The following ADGRL3 variants were observed in gnomAD, a reference collection of about 807,000 sequenced individuals.
ADGRL3 encodes adhesion G protein-coupled receptor L3.
A neutral mutation model predicts 153.5 loss-of-function variants in ADGRL3; 62 were observed. That is an observed-to-expected ratio of 0.40 (90% CI 0.33 to 0.50). The LOEUF (loss-of-function observed/expected upper bound fraction) is 0.50. Among genes scored for constraint, ADGRL3 ranks in the 20% least tolerant of loss-of-function variants. The pLI is 0.47. For synonymous variants in ADGRL3, 710 were observed against 672.5 expected (o/e 1.06, Z -0.86); for missense variants, 1,641 against 1,859.4 (o/e 0.88, Z 2.16).
intron 1 of ADGRL3, among the ~76,000 whole-genome samples, chr4:61,244,345 C>T (rs2149359253): frequency 6.6e-6 from 1 of 151,978 alleles, no homozygotes; most frequent in East Asian, 1.9e-4. Flanking sequence ...GAATATTTAT[C>T]AATTAAACAG....
chr4:61,789,419 G>A (rs557117068), intron 8 of ADGRL3, among the ~76,000 whole-genome samples: 1 of 152,228 alleles, frequency 6.6e-6, no homozygotes, highest in African/African-American at 2.4e-5. Flanking sequence ...CAAGCGTGCT[G>A]AGTAAAGCAA....
chr4:61,738,615 A>C (rs1277609837), intron 8 of ADGRL3, among the ~76,000 whole-genome samples: 1 of 152,140 alleles, frequency 6.6e-6, no homozygotes, highest in Non-Finnish European at 1.5e-5. Context: ...AGTATTCTAA[A>C]AGTGGTTTCA....
At chr4:61,584,959 GTTTTA>G (rs937429405) in intron 4 of ADGRL3, among the ~76,000 whole-genome samples, 28 of 151,982 alleles carry the variant, frequency 1.8e-4, no homozygotes, top group African/African-American at 6.8e-4. Context: ...TAAACAAAGA[GTTTTA>G]TTTTAGGGAC....
rs370113893 is a variant in ADGRL3, at chr4:61,743,742, C to T, written c.1399+10188C>T. Among the ~76,000 whole-genome samples the T allele has an allele frequency of 3.5e-4, 53 of 152,246 alleles. 1 individual carries two copies. Among genetic ancestry groups the T allele is most frequent in the Middle Eastern group, 3.4e-3 (1 of 294 alleles). On this transcript the variant is annotated intron_variant, in intron 8 of 26. Coordinates refer to ENST00000683033, the MANE Select transcript of ADGRL3 (RefSeq NM_001387552.1). ...AGACAGGGGCTGGAGCCAAGATGGC[C>T]GAATAGGAACAGCTCCGCTCTACAG... is the stretch of plus-strand genomic sequence containing the variant.
At chr4:61,491,252 G>A (rs1354245132) in intron 2 of ADGRL3, among the ~76,000 whole-genome samples, 1 of 152,096 alleles carries the variant, frequency 6.6e-6, no homozygotes, top group Non-Finnish European at 1.5e-5. Context: ...AAGCATTGCT[G>A]TAATGTACCT....
intron 2 of ADGRL3, among the ~76,000 whole-genome samples, chr4:61,399,051 T>G (rs1262041658): frequency 6.6e-6 from 1 of 151,766 alleles, no homozygotes; most frequent in Non-Finnish European, 1.5e-5. Flanking sequence ...ATTAAAGTCC[T>G]GAATGGACCA....
chr4:61,702,804 A>G (rs918139585), intron 6 of ADGRL3, among the ~76,000 whole-genome samples: 1 of 152,104 alleles, frequency 6.6e-6, no homozygotes, highest in Non-Finnish European at 1.5e-5. Flanking sequence ...CTGCATTCTA[A>G]GCACTTATAT....
At chr4:61,299,337 G>A (rs745860426) in intron 1 of ADGRL3, among the ~76,000 whole-genome samples, 18 of 152,062 alleles carry the variant, frequency 1.2e-4, no homozygotes, top group African/African-American at 3.6e-4. Flanking sequence ...TCAGGTTCTC[G>A]TTATTTTAAA....
intron 21 of ADGRL3, among the ~76,000 whole-genome samples, chr4:61,998,654 C>A (rs1014279043): frequency 6.6e-6 from 1 of 151,524 alleles, no homozygotes; most frequent in African/African-American, 2.4e-5. Context: ...CAGCTCACTG[C>A]AACCTCCTCC....
At chr4:61,444,030 A>T (rs1024932764) in intron 2 of ADGRL3, among the ~76,000 whole-genome samples, 1 of 152,208 alleles carries the variant, frequency 6.6e-6, no homozygotes, top group African/African-American at 2.4e-5. Context: ...GAATGTATTT[A>T]TATTTTGTAA....
At chr4:61,468,752 A>G (rs536885505) in intron 2 of ADGRL3, among the ~76,000 whole-genome samples, 2 of 151,996 alleles carry the variant, frequency 1.3e-5, no homozygotes, top group Non-Finnish European at 2.9e-5. Flanking sequence ...GCTGGCATAA[A>G]GAGAGTGAAT....
rs114379197 is a variant in ADGRL3, at chr4:61,750,868, A to C, written c.1399+17314A>C. Among the ~76,000 whole-genome samples the C allele has an allele frequency of 9.3e-3, 1,421 of 152,222 alleles. 30 individuals carry two copies. Among genetic ancestry groups the C allele is most frequent in the African/African-American group, 0.032 (1,346 of 41,522 alleles). The stretch of plus-strand genomic sequence containing the variant: ...AATGCAAGGCAACAAGGACATGTGA[A>C]TCTTGAAGTGGAATCTGGGCAAGCA... On this transcript the variant is annotated intron_variant, in intron 8 of 26. Transcript: ENST00000683033.
At chr4:61,949,685 A>T (rs1250888606) in intron 17 of ADGRL3, among the ~76,000 whole-genome samples, 1 of 151,954 alleles carries the variant, frequency 6.6e-6, no homozygotes, top group African/African-American at 2.4e-5. Flanking sequence ...ACAGAGCAAG[A>T]CTCTGTCTCA....
At chr4:62,068,708 T>C (rs1431781701) in intron 26 of ADGRL3, among the ~76,000 whole-genome samples, 1 of 152,142 alleles carries the variant, frequency 6.6e-6, no homozygotes, top group Non-Finnish European at 1.5e-5. Context: ...TTTTATTTTT[T>C]CCTAACATTG....
intron 1 of ADGRL3, among the ~76,000 whole-genome samples, chr4:61,297,847 T>C (rs1168811431): frequency 6.6e-6 from 1 of 151,984 alleles, no homozygotes; most frequent in Non-Finnish European, 1.5e-5. Context: ...ACCACCATCA[T>C]CACCATCACC....
At position 62,069,747 on chromosome 4, in the gene ADGRL3, T is replaced by C. The variant is rs532815340; in HGVS notation, c.3833-362T>C. On this transcript the variant is annotated intron_variant, in intron 26 of 26. Coordinates refer to ENST00000683033, the MANE Select transcript of ADGRL3 (RefSeq NM_001387552.1). Reference sequence around the variant, plus strand: ...TTTGATGTGTATAAATTGAAAGCTATGAATGACTACACCAAAATTTTATGT... The same window carrying C: ...TTTGATGTGTATAAATTGAAAGCTACGAATGACTACACCAAAATTTTATGT... Among the ~76,000 whole-genome samples, 24 of 152,248 alleles carry C rather than the reference T, an allele frequency of 1.6e-4. 1 individual carries two copies. The South Asian group carries it at 5.0e-3, about 32-fold the overall frequency.
chr4:61,900,007 T>A (rs941809724), intron 11 of ADGRL3, among the ~76,000 whole-genome samples: 2 of 152,136 alleles, frequency 1.3e-5, no homozygotes, highest in African/African-American at 4.8e-5. Context: ...CCGTGCAACC[T>A]CCTTCTCATC....
chr4:61,259,814 AG>A (rs1241138011), intron 1 of ADGRL3, among the ~76,000 whole-genome samples: 1 of 152,140 alleles, frequency 6.6e-6, no homozygotes, highest in Non-Finnish European at 1.5e-5. Context: ...ATATAACATG[AG>A]GCAAATCAGT....
chr4:61,869,289 T>A (rs1455315549), intron 9 of ADGRL3, among the ~76,000 whole-genome samples: 4 of 152,064 alleles, frequency 2.6e-5, no homozygotes, highest in Non-Finnish European at 5.9e-5. Context: ...TCCTATTATG[T>A]AGCAAGTACT....
Sources: gnomAD v4.1 joint callset for allele counts (sites outside exome capture counted in the v4.1 genomes callset) on GRCh38, gnomAD v4.1.1 for gene constraint, MANE v1.5 for transcripts, NCBI Gene and HGNC (gene_info 2026-07-23, HGNC 2026-07-21) for gene names.